PLXDC1: variants seen among roughly 807,000 people sequenced by gnomAD.
PLXDC1 encodes plexin domain-containing protein 1.
Under a neutral mutation model 61.3 loss-of-function variants are expected in PLXDC1, and 39 were observed. The observed-to-expected ratio is 0.64, with a 90% CI of 0.49 to 0.83. The LOEUF (loss-of-function observed/expected upper bound fraction) is 0.83, where lower values mean the gene tolerates loss of function less well. Among genes scored for constraint, PLXDC1 ranks in the 40% least tolerant of loss-of-function variants. PLXDC1 has a pLI of 0.00. For synonymous variants in PLXDC1, 212 were observed against 254.5 expected (o/e 0.83, Z 1.59); for missense variants, 596 against 666.5 (o/e 0.89, Z 1.17).
chr17:39,128,127 G>GTATGTATATATA (rs1567769612), intron 2 of PLXDC1, among the ~76,000 whole-genome samples: 1 of 56,196 alleles, frequency 1.8e-5, no homozygotes. Context: ...ATATATATAT[G>GTATGTATATATA]TGTATATATA....
chr17:39,085,067 C>T (rs1474103941), intron 8 of PLXDC1, among the ~76,000 whole-genome samples: 1 of 152,238 alleles, frequency 6.6e-6, no homozygotes, highest in Non-Finnish European at 1.5e-5. Flanking sequence ...AGAAAAATGA[C>T]CACTCATTTG....
chr17:39,106,270 G>A (rs1421338733), intron 6 of PLXDC1, among the ~76,000 whole-genome samples: 3 of 151,648 alleles, frequency 2.0e-5, no homozygotes, highest in Non-Finnish European at 4.4e-5. Context: ...TGCTTAACCT[G>A]CTAAGTGGCT....
intron 7 of PLXDC1, among the ~76,000 whole-genome samples, chr17:39,094,538 C>T (rs1322847932): frequency 6.6e-6 from 1 of 151,922 alleles, no homozygotes; most frequent in Admixed American, 6.6e-5. Flanking sequence ...TGAGCAATGT[C>T]CAGTGTCCCC....
At chr17:39,125,299 C>T (rs928363424) in intron 2 of PLXDC1, among the ~76,000 whole-genome samples, 1 of 152,206 alleles carries the variant, frequency 6.6e-6, no homozygotes, top group Non-Finnish European at 1.5e-5. Context: ...GGACAAAGAG[C>T]TCTGCCTCGC....
intron 11 of PLXDC1, among the ~76,000 whole-genome samples, chr17:39,076,386 C>G (rs1033217468): frequency 2.0e-5 from 3 of 151,436 alleles, no homozygotes; most frequent in Admixed American, 6.6e-5. Flanking sequence ...TGGTACATGC[C>G]TGCAGTCCGA....
Position 39,063,478 on chromosome 17 carries a change from T to C in PLXDC1, c.*4362A>G, listed in dbSNP as rs1908783462. 1.4e-6 allele frequency: 1 copy of C among 703,012 alleles called. No individual in the cohort carries two copies. Among genetic ancestry groups the C allele is most frequent in the Non-Finnish European group, 2.6e-6 (1 of 385,008 alleles). 43.5% of individuals were successfully genotyped at this position (703,012 alleles called of 1,614,324 possible). Reference sequence around the variant, plus strand: ...GAGGAAAGCACCTCTGATGAGCAGATAGCTGGAGGCTGTTCCCACAGTCAT... The same window carrying C: ...GAGGAAAGCACCTCTGATGAGCAGACAGCTGGAGGCTGTTCCCACAGTCAT... On this transcript the variant is annotated 3_prime_UTR_variant, in exon 14 of 14. Transcript: ENST00000315392.
intron 6 of PLXDC1, 26 bp downstream of exon 6, chr17:39,107,381 C>A: frequency 7.4e-7 from 1 of 1,356,302 alleles, no homozygotes; most frequent in South Asian, 1.3e-5. Context: ...CAAGACCCAG[C>A]TGTCTCTGCA....
At chr17:39,102,705 TACAC>T (rs553513409) in intron 7 of PLXDC1, among the ~76,000 whole-genome samples, 2,705 of 136,114 alleles carry the variant, frequency 0.02, 49 homozygotes, top group African/African-American at 0.052. Context: ...TGCTATCAAA[TACAC>T]ACACACACAC....
intron 7 of PLXDC1, among the ~76,000 whole-genome samples, chr17:39,098,196 A>C (rs1184855580): frequency 2.6e-5 from 3 of 116,832 alleles, no homozygotes; most frequent in Admixed American, 9.8e-5. Context: ...CAAGAGTGAA[A>C]CTCCATCTCA....
chr17:39,109,090 C>T, intron 3 of PLXDC1, 117 bp from the exon 4 acceptor site: 1 of 1,266,128 alleles, frequency 7.9e-7, no homozygotes, highest in Non-Finnish European at 1.1e-6. Flanking sequence ...AGGGCCACTG[C>T]TGGGCACCCC....
In PLXDC1 at chr17:39,139,704, C is replaced by CA. The variant is rs773372204; in HGVS notation, c.204dup (p.Gly69TrpfsTer12). On this transcript the variant is annotated frameshift_variant, in exon 2 of 14. Coordinates refer to ENST00000315392, the MANE Select transcript of PLXDC1 (RefSeq NM_020405.5). LOFTEE classifies it high-confidence loss of function. ...AGCGTGTCCATGGCCAGGGTGCCCC[C>CA]ACCCAGGTCCTGGCTCAGCTGGGTC... is the stretch of plus-strand genomic sequence containing the variant. 6.2e-7 allele frequency: 1 copy of CA among 1,613,994 alleles called. No individual in the cohort carries two copies. The highest frequency in any genetic ancestry group is 1.3e-5 in the African/African-American group (1 of 75,040).
rs750987655 is a variant in PLXDC1, at chr17:39,109,229, T to C, written c.399+19A>G. 7 of 1,597,742 alleles carry C rather than the reference T, an allele frequency of 4.4e-6. No individual in the cohort carries two copies. The South Asian group carries it at 7.8e-5, about 18-fold the overall frequency. ...GCCTCCCAGCACAGGGAAGCATGGC[T>C]GGCGACTGGGGCACTCACCGAAGCC... is the stretch of plus-strand genomic sequence containing the variant. On this transcript the variant is annotated intron_variant, in intron 3 of 13. Transcript: ENST00000315392.
intron 2 of PLXDC1, among the ~76,000 whole-genome samples, chr17:39,125,119 T>C (rs1448139590): frequency 6.6e-6 from 1 of 152,226 alleles, no homozygotes; most frequent in Non-Finnish European, 1.5e-5. Context: ...TTCCTTTTAA[T>C]GTCCCCTGTT....
At position 39,087,623 on chromosome 17, in the gene PLXDC1, C is replaced by T; in HGVS notation, c.891G>A (p.Glu297=). 8 of 1,613,928 alleles carry T rather than the reference C, an allele frequency of 5.0e-6. No homozygotes were observed. The highest frequency in any genetic ancestry group is 6.8e-6 in the Non-Finnish European group (8 of 1,179,814). ...PSKVTSMSAV[E]FTPLPTCLQH... Reference sequence around the variant, plus strand: ...CCTACTCACTCGGCAATGGGGTGAACTCCACGGCCGACATGCTGGTGACCT... The same window carrying T: ...CCTACTCACTCGGCAATGGGGTGAATTCCACGGCCGACATGCTGGTGACCT... The change falls in exon 8 of 14, where the codon GAG becomes GAA. Residue 297 remains glutamate, a synonymous_variant. Coordinates refer to ENST00000315392, the MANE Select transcript of PLXDC1 (RefSeq NM_020405.5).
intron 12 of PLXDC1, 159 bp downstream of exon 12, chr17:39,072,291 C>T: frequency 3.0e-6 from 2 of 655,804 alleles, no homozygotes; most frequent in Admixed American, 2.4e-5. Context: ...CCCAGAAGCC[C>T]CCCTGCCTCC....
intron 11 of PLXDC1, among the ~76,000 whole-genome samples, chr17:39,075,094 G>A (rs1352358081): frequency 6.6e-6 from 1 of 152,158 alleles, no homozygotes; most frequent in African/African-American, 2.4e-5. Context: ...TGAGTAGCTG[G>A]GATTACACAT....
At chr17:39,115,890 C>T (rs904905216) in intron 2 of PLXDC1, among the ~76,000 whole-genome samples, 1 of 151,888 alleles carries the variant, frequency 6.6e-6, no homozygotes, top group Non-Finnish European at 1.5e-5. Context: ...TGAGACAGGG[C>T]GGATCACCTG....
At chr17:39,109,506 G>C (rs553092942) in intron 2 of PLXDC1, 115 bp from the exon 3 acceptor site, 4 of 1,302,028 alleles carry the variant, frequency 3.1e-6, no homozygotes, top group African/African-American at 1.5e-5. Flanking sequence ...ACCCTCCCAG[G>C]GTGCTGGACC....
chr17:39,103,772 G>T lies in PLXDC1; in HGVS notation c.811+2082C>A, dbSNP rs547964548. Among the ~76,000 whole-genome samples the T allele has an allele frequency of 4.0e-5, 6 of 151,210 alleles. No individual in the cohort carries two copies. In the South Asian group the frequency reaches 1.0e-3, roughly 26 times the overall value. The stretch of plus-strand genomic sequence containing the variant: ...GAGGCAGGAGAATCACTCGAACCCG[G>T]GAGGCAAAGGTTGCAGTGAGCCAAG... On this transcript the variant is annotated intron_variant, in intron 7 of 13. Transcript: ENST00000315392.
Sources: allele counts gnomAD v4.1 joint callset (sites outside exome capture counted in the v4.1 genomes callset), GRCh38; gene constraint gnomAD v4.1.1; transcripts MANE v1.5; gene names NCBI Gene and HGNC (gene_info 2026-07-23, HGNC 2026-07-21).